Variants in RCOR3 observed in about 807,000 individuals in gnomAD.
The protein encoded by RCOR3 is REST corepressor 3.
A neutral mutation model predicts 64.1 loss-of-function variants in RCOR3; 13 were observed. The ratio of observed to expected loss-of-function variants is 0.20; its 90% CI spans 0.13 to 0.32. The LOEUF (loss-of-function observed/expected upper bound fraction) is 0.32. Among genes scored for constraint, RCOR3 ranks in the 10% least tolerant of loss-of-function variants. The pLI is 1.00. For missense variants in RCOR3, 489 were observed against 701.2 expected, an observed-to-expected ratio of 0.70 and a Z score of 3.42; for synonymous variants, 215 against 239.0, an observed-to-expected ratio of 0.90 and a Z score of 0.93.
chr1:211,307,653 C>T (rs1381359206), intron 10 of RCOR3, among the ~76,000 whole-genome samples: 1 of 151,632 alleles, frequency 6.6e-6, no homozygotes, highest in Non-Finnish European at 1.5e-5. Context: ...TGTGTAGAGG[C>T]TAGAAGCATG....
rs1018929881 is a variant in RCOR3, at chr1:211,289,005, G to A, written c.721-173G>A. Among the ~76,000 whole-genome samples the A allele has an allele frequency of 3.3e-5, 5 of 152,230 alleles. 1 individual carries two copies. The highest frequency in any genetic ancestry group is 1.2e-4 in the African/African-American group (5 of 41,528). ...ATTATGTTGTATGCTTTTCCTCCCA[G>A]TTGGTGAGTGTTATGTGTGTGTGTG... On this transcript the variant is annotated intron_variant, in intron 7 of 11. Transcript: ENST00000419091.
intron 10 of RCOR3, among the ~76,000 whole-genome samples, chr1:211,308,673 G>GTTTTTTT (rs545513442): frequency 9.9e-4 from 40 of 40,464 alleles, no homozygotes; most frequent in Middle Eastern, 0.019. Flanking sequence ...TTTTTTTTTT[G>GTTTTTTT]TTTTTTTTTT....
At chr1:211,294,196 G>A (rs1248158321) in intron 8 of RCOR3, among the ~76,000 whole-genome samples, 2 of 152,154 alleles carry the variant, frequency 1.3e-5, no homozygotes, top group African/African-American at 2.4e-5. Context: ...GCTGAACTGA[G>A]CGCACACACA....
chr1:211,276,766 T>C (rs535790679), intron 5 of RCOR3, among the ~76,000 whole-genome samples: 116 of 152,266 alleles, frequency 7.6e-4, no homozygotes, highest in Middle Eastern at 3.4e-3. Context: ...AATTTATATA[T>C]TTTTGGATAT....
chr1:211,283,235 A>C (rs1318002325), intron 7 of RCOR3, among the ~76,000 whole-genome samples: 1 of 152,254 alleles, frequency 6.6e-6, no homozygotes, highest in Non-Finnish European at 1.5e-5. Flanking sequence ...TTCATTGTTA[A>C]CAGTGATTGT....
intron 5 of RCOR3, among the ~76,000 whole-genome samples, chr1:211,277,113 A>G (rs1697105870): frequency 6.6e-6 from 1 of 151,322 alleles, no homozygotes; most frequent in African/African-American, 2.4e-5. Context: ...AAACAAAAAA[A>G]CAAAAAAAAT....
At chr1:211,293,857 A>G (rs976268327) in intron 8 of RCOR3, among the ~76,000 whole-genome samples, 9 of 152,188 alleles carry the variant, frequency 5.9e-5, no homozygotes, top group Non-Finnish European at 1.3e-4. Context: ...ACTAGGGGGG[A>G]AAAACAGAGG....
At chr1:211,289,443 A>C (rs758399387) in intron 8 of RCOR3, 47 bp downstream of exon 8, 1 of 1,469,036 alleles carries the variant, frequency 6.8e-7, no homozygotes, top group Admixed American at 1.9e-5. Flanking sequence ...CATTTTGGCT[A>C]TCCGCTTTTA....
intron 9 of RCOR3, among the ~76,000 whole-genome samples, chr1:211,299,499 C>T (rs182012544): frequency 1.3e-3 from 197 of 152,206 alleles, no homozygotes; most frequent in Non-Finnish European, 2.2e-3. Context: ...TAGACGACAT[C>T]CTTTCATTAT....
In RCOR3 at chr1:211,313,459, A is replaced by G. The variant is rs1444177460; in HGVS notation, c.1353A>G (p.Pro451=). 6.2e-7 allele frequency: 1 copy of G among 1,613,972 alleles called. No individual in the cohort carries two copies. Among genetic ancestry groups the G allele is most frequent in the South Asian group, 1.1e-5 (1 of 91,046 alleles). Residue 451 remains proline (P), a synonymous_variant, in exon 12 of 12, where the codon CCA becomes CCG. Transcript: ENST00000419091. The surrounding 1 kb of genome is among the most constrained non-coding windows in gnomAD (Gnocchi z 4.7). Reference sequence around the variant, plus strand: ...CACAGGCTCCTCGGACACTGGGTCCATCACCTCCTGCCCCATCATCCACTC... The same window carrying G: ...CACAGGCTCCTCGGACACTGGGTCCGTCACCTCCTGCCCCATCATCCACTC... ...QTPQAPRTLG[P]SPPAPSSTPT... is the part of the protein sequence containing the mutation.
intron 3 of RCOR3, among the ~76,000 whole-genome samples, 197 bp from the exon 4 acceptor site, chr1:211,274,013 A>G (rs1049358301): frequency 6.6e-6 from 1 of 152,166 alleles, no homozygotes; most frequent in African/African-American, 2.4e-5. Context: ...GTTATACTAA[A>G]TAAAATTTTA....
chr1:211,270,244 G>C (rs1457181821), intron 2 of RCOR3, among the ~76,000 whole-genome samples: 1 of 151,966 alleles, frequency 6.6e-6, no homozygotes, highest in East Asian at 1.9e-4. Context: ...TGTATTTTTA[G>C]TAGAGACGGG....
intron 7 of RCOR3, among the ~76,000 whole-genome samples, chr1:211,287,896 A>T (rs1010697778): frequency 1.3e-5 from 2 of 151,820 alleles, no homozygotes; most frequent in African/African-American, 2.4e-5. Flanking sequence ...GAATTTTACT[A>T]AGAGTTCCTT....
chr1:211,300,481 A>G (rs557924740), intron 9 of RCOR3, among the ~76,000 whole-genome samples: 30 of 152,254 alleles, frequency 2.0e-4, no homozygotes, highest in African/African-American at 7.2e-4. Context: ...TGAACCCTTG[A>G]TATAGATGAC....
chr1:211,309,369 G>A (rs1701262659), intron 10 of RCOR3, among the ~76,000 whole-genome samples: 1 of 152,124 alleles, frequency 6.6e-6, no homozygotes, highest in African/African-American at 2.4e-5. Flanking sequence ...GAATATGTGG[G>A]CTTTCATAAA....
chr1:211,282,426 A>G (rs1697935435), intron 7 of RCOR3, among the ~76,000 whole-genome samples: 1 of 152,208 alleles, frequency 6.6e-6, no homozygotes, highest in Non-Finnish European at 1.5e-5. Flanking sequence ...TTAAAGAAAA[A>G]TAATAGATAC....
At chr1:211,286,861 A>G (rs182923145) in intron 7 of RCOR3, among the ~76,000 whole-genome samples, 21 of 152,188 alleles carry the variant, frequency 1.4e-4, no homozygotes, top group African/African-American at 4.6e-4. Context: ...TTTAACTTCT[A>G]TTTTGCCCAC....
In RCOR3 at chr1:211,313,001, G is replaced by T; in HGVS notation, c.1317+40G>T. The stretch of plus-strand genomic sequence containing the variant: ...GGAATTTGAGCTAATATGAGTTGAG[G>T]AATCACCATTTTGTGTGGTATTCTG... On this transcript the variant is annotated intron_variant, in intron 11 of 11. Transcript: ENST00000419091. This position sits in a 1 kb window ranked among gnomAD's most constrained non-coding sequence, Gnocchi z 4.7. 3 of 1,606,744 alleles carry T rather than the reference G, an allele frequency of 1.9e-6. No individual in the cohort carries two copies. The highest frequency in any genetic ancestry group is 1.3e-5 in the African/African-American group (1 of 74,558).
chr1:211,273,978 G>T (rs529717817), intron 3 of RCOR3, among the ~76,000 whole-genome samples: 1 of 152,092 alleles, frequency 6.6e-6, no homozygotes, highest in Non-Finnish European at 1.5e-5. Flanking sequence ...AATTTAGTAA[G>T]TATAATGTGT....
Sources: allele counts gnomAD v4.1 joint callset (sites outside exome capture counted in the v4.1 genomes callset), GRCh38; gene constraint gnomAD v4.1.1; non-coding constraint Gnocchi (gnomAD v3.1); transcripts MANE v1.5; gene names NCBI Gene and HGNC (gene_info 2026-07-23, HGNC 2026-07-21).